The following TAFA2 variants were observed in gnomAD, a reference collection of about 807,000 sequenced individuals.
TAFA2 encodes the protein TAFA chemokine like family member 2.
TAFA2 carries 7 observed loss-of-function variants against 18.8 expected under a neutral mutation model. The observed-to-expected ratio is 0.37, with a 90% CI of 0.21 to 0.70. TAFA2 has a LOEUF of 0.70. Ranked by LOEUF, TAFA2 falls within the 30% of genes least tolerant of loss-of-function variation. The pLI, the probability that TAFA2 is intolerant of heterozygous loss-of-function variation, is 0.53. For synonymous variants in TAFA2, 60 were observed against 54.2 expected, an observed-to-expected ratio of 1.11 and a Z score of -0.47; for missense variants, 122 against 158.1, an observed-to-expected ratio of 0.77 and a Z score of 1.23.
At chr12:61,943,558 C>G (rs990509620) in intron 1 of TAFA2, among the ~76,000 whole-genome samples, 1 of 147,810 alleles carries the variant, frequency 6.8e-6, no homozygotes, top group African/African-American at 2.5e-5. Context: ...TCAGGAAACC[C>G]ATCTCACGTG....
chr12:62,103,938 A>G (rs1402135168), intron 1 of TAFA2, among the ~76,000 whole-genome samples: 4 of 152,176 alleles, frequency 2.6e-5, no homozygotes, highest in African/African-American at 9.7e-5. Context: ...CTCTAACCCT[A>G]TTGTGCCTGT....
chr12:62,065,669 G>A (rs2136794663), intron 1 of TAFA2, among the ~76,000 whole-genome samples: 1 of 151,914 alleles, frequency 6.6e-6, no homozygotes, highest in East Asian at 1.9e-4. Context: ...GGTTTCACTA[G>A]CCAAGAAGAA....
At chr12:61,843,399 G>GA (rs768082261) in intron 2 of TAFA2, among the ~76,000 whole-genome samples, 19 of 151,950 alleles carry the variant, frequency 1.3e-4, no homozygotes, top group Admixed American at 2.6e-4. Flanking sequence ...AACAACCACA[G>GA]AAAAAACAAC....
intron 1 of TAFA2, among the ~76,000 whole-genome samples, chr12:62,059,725 T>C (rs1336759910): frequency 6.6e-6 from 1 of 152,198 alleles, no homozygotes; most frequent in Non-Finnish European, 1.5e-5. Flanking sequence ...TCAGTGCTTC[T>C]TGTAGGCCAC....
In TAFA2 at chr12:61,937,059, T is replaced by C. The variant is rs992162948; in HGVS notation, c.-1-69633A>G. 3.3e-5 allele frequency among the ~76,000 whole-genome samples: 5 copies of C among 152,204 alleles called. No homozygotes were observed. In the East Asian group the frequency reaches 7.7e-4, roughly 24 times the overall value. On this transcript the variant is annotated intron_variant, in intron 1 of 4. Coordinates refer to ENST00000416284, the MANE Select transcript of TAFA2 (RefSeq NM_178539.5). ...GTCAATAACTCAATCCTTTTTACCA[T>C]AGCTGCAAATAAAATAAAATATCTT...
At position 62,008,229 on chromosome 12, in the gene TAFA2, A is replaced by G. The variant is rs117116735; in HGVS notation, c.-1-140803T>C. Among the ~76,000 whole-genome samples the G allele has an allele frequency of 5.3e-3, 767 of 144,810 alleles. 3 individuals are homozygous for G. Among genetic ancestry groups the G allele is most frequent in the Non-Finnish European group, 8.1e-3 (538 of 66,068 alleles). ...TAAATAATTCATTGCACTACCATGT[A>G]AGATATTTTTTCTTCTTTGTTACTG... On this transcript the variant is annotated intron_variant, in intron 1 of 4. Transcript: ENST00000416284.
intron 4 of TAFA2, among the ~76,000 whole-genome samples, chr12:61,730,728 C>T (rs1592350392): frequency 6.6e-6 from 1 of 152,096 alleles, no homozygotes; most frequent in South Asian, 2.1e-4. Context: ...AACACCTACA[C>T]AGTCAACAGG....
chr12:62,169,528 T>C (rs1335807529), intron 1 of TAFA2, among the ~76,000 whole-genome samples: 1 of 152,142 alleles, frequency 6.6e-6, no homozygotes, highest in East Asian at 1.9e-4. Flanking sequence ...GAAGAGGTGA[T>C]ACATTAGACT....
chr12:62,090,507 A>T (rs1325769363), intron 1 of TAFA2, among the ~76,000 whole-genome samples: 2 of 152,080 alleles, frequency 1.3e-5, no homozygotes, highest in African/African-American at 4.8e-5. Context: ...TAGTCTGCTG[A>T]TTTGGAAAGA....
intron 1 of TAFA2, among the ~76,000 whole-genome samples, chr12:62,021,320 G>A (rs944470200): frequency 6.6e-5 from 10 of 151,900 alleles, no homozygotes; most frequent in Admixed American, 3.9e-4. Flanking sequence ...GGAACAGATC[G>A]TGTTTGGTTA....
intron 1 of TAFA2, chr12:61,878,266 G>T (rs1237760766): frequency 3.4e-6 from 1 of 293,304 alleles, no homozygotes; most frequent in African/African-American, 2.2e-5. Flanking sequence ...ACTTAATGCT[G>T]CTGAATTGTA....
intron 1 of TAFA2, among the ~76,000 whole-genome samples, chr12:62,178,894 G>A (rs79114876): frequency 0.032 from 4,809 of 152,280 alleles, 123 homozygotes; most frequent in Non-Finnish European, 0.048. Context: ...AGTGTTCTGA[G>A]ACACTTGTAG....
intron 1 of TAFA2, among the ~76,000 whole-genome samples, chr12:62,140,690 C>A (rs1291485328): frequency 2.6e-5 from 4 of 152,296 alleles, no homozygotes; most frequent in South Asian, 2.1e-4. Context: ...GTTTCTCAGG[C>A]AGACACTCTA....
intron 1 of TAFA2, among the ~76,000 whole-genome samples, chr12:61,991,311 A>G (rs1376841772): frequency 1.3e-5 from 2 of 152,242 alleles, no homozygotes; most frequent in Non-Finnish European, 1.5e-5. Flanking sequence ...GCTATTTAAC[A>G]TGCAGATACT....
chr12:62,172,049 C>T (rs2062481438), intron 1 of TAFA2, among the ~76,000 whole-genome samples: 1 of 152,022 alleles, frequency 6.6e-6, no homozygotes. Flanking sequence ...TTTAGTATAA[C>T]TAGAAACCTA....
upstream of TAFA2, among the ~76,000 whole-genome samples, chr12:62,193,895 AG>A (rs1028354584): frequency 6.6e-6 from 1 of 152,234 alleles, no homozygotes; most frequent in African/African-American, 2.4e-5. Flanking sequence ...AAGAAAGAAA[AG>A]AATGTATTTT....
At chr12:61,908,610 T>A (rs1044293625) in intron 1 of TAFA2, among the ~76,000 whole-genome samples, 5 of 152,154 alleles carry the variant, frequency 3.3e-5, no homozygotes, top group African/African-American at 1.2e-4. Flanking sequence ...AGAATATAGA[T>A]TTTTAAAGTT....
intron 2 of TAFA2, among the ~76,000 whole-genome samples, chr12:61,862,952 C>T (rs1874188571): frequency 1.3e-5 from 2 of 152,182 alleles, no homozygotes; most frequent in African/African-American, 2.4e-5. Context: ...AATAAACATT[C>T]CATGAAAACA....
At chr12:62,188,148 C>T (rs1233414988) in intron 1 of TAFA2, among the ~76,000 whole-genome samples, 2 of 152,048 alleles carry the variant, frequency 1.3e-5, no homozygotes, top group East Asian at 1.9e-4. Flanking sequence ...CTACTAATAA[C>T]AGGTTGATGA....
Sources: gnomAD v4.1 joint callset for allele counts (sites outside exome capture counted in the v4.1 genomes callset) on GRCh38, gnomAD v4.1.1 for gene constraint, MANE v1.5 for transcripts, NCBI Gene and HGNC (gene_info 2026-07-23, HGNC 2026-07-21) for gene names.